Variants in ADAM7 observed in about 807,000 individuals in gnomAD.
The protein encoded by ADAM7 is disintegrin and metalloproteinase domain-containing protein 7.
Under a neutral mutation model 102.9 loss-of-function variants are expected in ADAM7, and 97 were observed. The observed-to-expected ratio is 0.94, with a 90% CI of 0.80 to 1.12. The LOEUF (loss-of-function observed/expected upper bound fraction) is 1.12, where lower values mean the gene tolerates loss of function less well. Ranked by LOEUF, ADAM7 falls within the 50% of genes most tolerant of loss-of-function variation. The probability of loss-of-function intolerance (pLI) is 0.00; values close to 1 mark genes in which losing one functional copy is unlikely to be tolerated. For missense variants in ADAM7, 991 were observed against 908.7 expected, an observed-to-expected ratio of 1.09 and a Z score of -1.16; for synonymous variants, 334 against 304.4, an observed-to-expected ratio of 1.10 and a Z score of -1.01.
At chr8:24,501,217 C>T (rs1225407139) in intron 19 of ADAM7, among the ~76,000 whole-genome samples, 6 of 152,186 alleles carry the variant, frequency 3.9e-5, no homozygotes, top group African/African-American at 1.4e-4. Flanking sequence ...TAATTTTAGC[C>T]ATAAATGTAT....
At chr8:24,467,027 C>A (rs759628671) in intron 6 of ADAM7, 39 bp downstream of exon 6, 2 of 1,543,974 alleles carry the variant, frequency 1.3e-6, no homozygotes, top group Non-Finnish European at 1.8e-6. Context: ...AAATGAAACA[C>A]CTTTTATTTT....
chr8:24,477,701 TTTC>T (rs1819815086), intron 8 of ADAM7, among the ~76,000 whole-genome samples: 1 of 152,060 alleles, frequency 6.6e-6, no homozygotes, highest in African/African-American at 2.4e-5. Flanking sequence ...AATTGAAATA[TTTC>T]TTCTGCCTTG....
chr8:24,496,955 G>A (rs1431387483), intron 16 of ADAM7, among the ~76,000 whole-genome samples: 1 of 152,164 alleles, frequency 6.6e-6, no homozygotes, highest in East Asian at 1.9e-4. Context: ...GGAGGGGCCA[G>A]GGACGGAATG....
chr8:24,445,089 T>A (rs532720637), intron 2 of ADAM7, among the ~76,000 whole-genome samples: 83 of 152,280 alleles, frequency 5.5e-4, no homozygotes, highest in African/African-American at 1.7e-3. Context: ...TCTTCTAATA[T>A]TTGTTAATAT....
intron 13 of ADAM7, 54 bp downstream of exon 13, chr8:24,490,942 G>A: frequency 6.3e-7 from 1 of 1,576,288 alleles, no homozygotes; most frequent in Non-Finnish European, 8.7e-7. Flanking sequence ...GAATATGTAG[G>A]ATCCAAGAGT....
At chr8:24,497,296 C>A (rs569372548) in intron 16 of ADAM7, among the ~76,000 whole-genome samples, 1 of 152,278 alleles carries the variant, frequency 6.6e-6, no homozygotes, top group Admixed American at 6.5e-5. Flanking sequence ...TCTTTATCAG[C>A]AGCATGAAAA....
chr8:24,483,218 C>G (rs1820020739), intron 9 of ADAM7, among the ~76,000 whole-genome samples: 1 of 152,042 alleles, frequency 6.6e-6, no homozygotes, highest in South Asian at 2.1e-4. Flanking sequence ...TTCAAGATAC[C>G]TAGCGCAGTA....
chr8:24,478,168 T>A (rs1819831952), intron 8 of ADAM7, among the ~76,000 whole-genome samples: 1 of 152,142 alleles, frequency 6.6e-6, no homozygotes. Flanking sequence ...AAATCAGGCC[T>A]GGGGATCTCA....
chr8:24,487,224 T>A lies in ADAM7; in HGVS notation c.998T>A (p.Met333Lys), dbSNP rs1487689276. ...LPDTNIIANR[M>K]AHQLGHNLGM... ...GACACAAACATAATTGCAAACAGAA[T>A]GGCACATCAACTGGGGCATAACCTT... The change falls in exon 11 of 22, where the codon ATG becomes AAG. Residue 333 changes from methionine (M) to lysine (K), a missense_variant. Coordinates refer to ENST00000175238, the MANE Select transcript of ADAM7 (RefSeq NM_003817.4). 9 of 1,613,764 alleles carry A rather than the reference T, an allele frequency of 5.6e-6. No individual in the cohort carries two copies. Among genetic ancestry groups the A allele is most frequent in the Non-Finnish European group, 5.9e-6 (7 of 1,179,852 alleles).
intron 3 of ADAM7, among the ~76,000 whole-genome samples, chr8:24,459,429 C>G (rs115499181): frequency 6.6e-6 from 1 of 151,630 alleles, no homozygotes; most frequent in African/African-American, 2.4e-5. Context: ...TATCAATTGT[C>G]GACCTTTTAT....
chr8:24,467,606 G>A (rs1819471820), intron 6 of ADAM7: 1 of 152,134 alleles, frequency 6.6e-6, no homozygotes, highest in Non-Finnish European at 1.5e-5. Flanking sequence ...TTTCCTGATT[G>A]AATAAATCAA....
At chr8:24,484,680 T>A (rs771780252) in intron 9 of ADAM7, among the ~76,000 whole-genome samples, 1 of 152,194 alleles carries the variant, frequency 6.6e-6, no homozygotes, top group Non-Finnish European at 1.5e-5. Flanking sequence ...GTAAGTGGTT[T>A]TATCCAAAGC....
chr8:24,500,394 T>C (rs1820717351), intron 18 of ADAM7, 138 bp downstream of exon 18: 2 of 714,004 alleles, frequency 2.8e-6, no homozygotes, highest in East Asian at 2.6e-5. Context: ...TGTGCATGAA[T>C]ACCCAAATTG....
chr8:24,487,959 A>G (rs1400929440), intron 11 of ADAM7, among the ~76,000 whole-genome samples: 1 of 152,170 alleles, frequency 6.6e-6, no homozygotes, highest in Non-Finnish European at 1.5e-5. Flanking sequence ...TCTATAAGCT[A>G]TAATGTCTTC....
chr8:24,493,097 TG>T lies in ADAM7; in HGVS notation c.1712del (p.Gly571GlufsTer52), dbSNP rs777831819. 6.2e-7 allele frequency: 1 copy of T among 1,612,318 alleles called. No homozygotes were observed. Among genetic ancestry groups the T allele is most frequent in the African/African-American group, 1.3e-5 (1 of 74,928 alleles). ...CTGGAGGGGAGCTTTCCTCTCTCCT[TG>T]GAGAAGACAAGACTTATCACCTTAA... ...CTGGELSSLL[G>X]EDKTYHLKDP... On this transcript the variant is annotated frameshift_variant, in exon 16 of 22. Transcript: ENST00000175238. LOFTEE classifies it high-confidence loss of function.
At chr8:24,447,893 T>G (rs1818623125) in intron 3 of ADAM7, among the ~76,000 whole-genome samples, 1 of 150,504 alleles carries the variant, frequency 6.6e-6, no homozygotes, top group Non-Finnish European at 1.5e-5. Context: ...GTGACACTAC[T>G]GGGGAATTGA....
Position 24,482,144 on chromosome 8 carries a change from T to G in ADAM7, c.708T>G (p.Ile236Met). The stretch of plus-strand genomic sequence containing the variant: ...AAAATGATTTCTTCTTTGAACAGAT[T>G]TATAAAACCTTAAACATCCATGTGA... ...IWGMVNFVNM[I>M]YKTLNIHVTL... The change falls in exon 9 of 22, where the codon ATT (isoleucine) becomes ATG (methionine). Residue 236 changes from isoleucine (I) to methionine (M), a missense_variant and splice_region_variant. By Grantham distance (10) the Ile-to-Met change is conservative. Coordinates refer to ENST00000175238, the MANE Select transcript of ADAM7 (RefSeq NM_003817.4). The G allele has an allele frequency of 1.3e-6, 2 of 1,577,732 alleles. No homozygotes were observed. The highest frequency in any genetic ancestry group is 1.4e-5 in the African/African-American group (1 of 72,688).
At chr8:24,446,745 T>C (rs1025736175) in intron 2 of ADAM7, among the ~76,000 whole-genome samples, 2 of 151,706 alleles carry the variant, frequency 1.3e-5, no homozygotes, top group African/African-American at 4.8e-5. Flanking sequence ...TGTATAGAGC[T>C]GCTACATGGA....
rs1485204193 is a variant in ADAM7 at position 24,451,301 on chromosome 8, G to A, written c.233+4039G>A. ...GTCCTCGACTCTTTTTGGTTGGTAA[G>A]CTATTGATTATTGCCACAATTTCAG... On this transcript the variant is annotated intron_variant, in intron 3 of 21. Transcript: ENST00000175238. Among the ~76,000 whole-genome samples, 5 of 152,092 alleles carry A rather than the reference G, an allele frequency of 3.3e-5. No homozygotes were observed. The South Asian group carries it at 8.3e-4, about 25-fold the overall frequency.
Sources: gnomAD v4.1 joint callset for allele counts (sites outside exome capture counted in the v4.1 genomes callset) on GRCh38, gnomAD v4.1.1 for gene constraint, MANE v1.5 for transcripts, NCBI Gene and HGNC (gene_info 2026-07-23, HGNC 2026-07-21) for gene names.